Variants in SEC24B observed in about 807,000 individuals in gnomAD.
SEC24B encodes the protein SEC24 homolog B, COPII component, also known as protein transport protein Sec24B.
A neutral mutation model predicts 142.8 loss-of-function variants in SEC24B; 45 were observed. The observed-to-expected ratio is 0.32, with a 90% CI of 0.25 to 0.40. The LOEUF (loss-of-function observed/expected upper bound fraction) is 0.40, where lower values mean the gene tolerates loss of function less well. Among genes scored for constraint, SEC24B ranks in the 10% least tolerant of loss-of-function variants. The pLI, the probability that SEC24B is intolerant of heterozygous loss-of-function variation, is 1.00. For missense variants in SEC24B, 1,409 were observed against 1,526.8 expected (o/e 0.92, Z 1.29); for synonymous variants, 574 against 568.2 (o/e 1.01, Z -0.15).
At chr4:109,486,399 CAG>C (rs961021161) in intron 4 of SEC24B, among the ~76,000 whole-genome samples, 12 of 152,290 alleles carry the variant, frequency 7.9e-5, no homozygotes, top group Admixed American at 4.6e-4. Context: ...CTTTTAGAGA[CAG>C]AAAACAGCTT....
chr4:109,522,851 CAATT>C (rs1235974297), intron 14 of SEC24B, among the ~76,000 whole-genome samples: 4 of 152,076 alleles, frequency 2.6e-5, no homozygotes, highest in African/African-American at 4.8e-5. Context: ...TGAAAGTAAT[CAATT>C]GATTGCTTTT....
chr4:109,440,535 G>T (rs1222076627), intron 1 of SEC24B, among the ~76,000 whole-genome samples: 2 of 152,210 alleles, frequency 1.3e-5, no homozygotes, highest in Non-Finnish European at 2.9e-5. Context: ...TAGTGAAAAG[G>T]TTGTAGGCTT....
At chr4:109,528,048 A>T (rs1322477196) in intron 18 of SEC24B, among the ~76,000 whole-genome samples, 4 of 152,174 alleles carry the variant, frequency 2.6e-5, no homozygotes, top group African/African-American at 9.7e-5. Flanking sequence ...TCAATACTTA[A>T]ACAAACATGG....
intron 15 of SEC24B, 34 bp from the exon 16 acceptor site, chr4:109,525,312 C>T (rs780440745): frequency 6.6e-7 from 1 of 1,509,720 alleles, no homozygotes; most frequent in African/African-American, 1.4e-5. Context: ...ATTATTATTT[C>T]TATAGCTAAT....
In SEC24B at chr4:109,503,248, G is replaced by A. The variant is rs545933742; in HGVS notation, c.1489-3080G>A. On this transcript the variant is annotated intron_variant, in intron 6 of 23. Coordinates refer to ENST00000265175, the MANE Select transcript of SEC24B (RefSeq NM_006323.5). ...CTAATTTTTTTTTTTTTTTGAGTTA[G>A]AGTTTCACTCTTGTTGCCTGGCTGG... 1.7e-4 allele frequency among the ~76,000 whole-genome samples: 26 copies of A among 148,888 alleles called. No individual in the cohort carries two copies. The East Asian group carries it at 4.8e-3, about 27-fold the overall frequency.
chr4:109,469,727 G>T (rs1203562481), intron 2 of SEC24B, among the ~76,000 whole-genome samples: 1 of 152,126 alleles, frequency 6.6e-6, no homozygotes, highest in East Asian at 1.9e-4. Context: ...CTAGAACCTT[G>T]GAGTAGGGAA....
At chr4:109,528,286 C>T (rs1055694414) in intron 18 of SEC24B, among the ~76,000 whole-genome samples, 4 of 151,882 alleles carry the variant, frequency 2.6e-5, no homozygotes, top group South Asian at 2.1e-4. Context: ...ATTAGCTGGG[C>T]GTGGTGCTGC....
At chr4:109,497,316 T>C (rs1196839429) in intron 6 of SEC24B, among the ~76,000 whole-genome samples, 1 of 152,242 alleles carries the variant, frequency 6.6e-6, no homozygotes, top group Non-Finnish European at 1.5e-5. Flanking sequence ...GTCAAAAAAT[T>C]ACCTTTGGGA....
chr4:109,462,934 G>C lies in SEC24B; in HGVS notation c.167G>C (p.Gly56Ala), dbSNP rs780921093. ...CAGAATCAAATGCAGGTTCCATCTG[G>C]ATATGGATTGCATCATCAAAACTAT... Reference protein sequence around the residue: ...PAQNQMQVPSGYGLHHQNYIA... With the variant: ...PAQNQMQVPSAYGLHHQNYIA... The change falls in exon 2 of 24, where the codon GGA becomes GCA. Residue 56 changes from glycine to alanine, a missense_variant. By Grantham distance (60) the Gly-to-Ala change is moderately conservative. Around this residue, in one of 2 missense-constraint regions of SEC24B, gnomAD observed 709 missense variants for 673.5 expected, o/e 1.05. Coordinates refer to ENST00000265175, the MANE Select transcript of SEC24B (RefSeq NM_006323.5). 1.2e-6 allele frequency: 2 copies of C among 1,611,522 alleles called. No homozygotes were observed. Among genetic ancestry groups the C allele is most frequent in the South Asian group, 1.1e-5 (1 of 91,060 alleles).
rs1339718004 is a variant in SEC24B, at chr4:109,477,562, G to A, written c.1061-4115G>A. Among the ~76,000 whole-genome samples, 3 of 152,196 alleles carry A rather than the reference G, an allele frequency of 2.0e-5. No homozygotes were observed. The East Asian group carries it at 5.8e-4, about 29-fold the overall frequency. ...GCTGGTCTTGAACTCCCAGGCTCGA[G>A]TGATTATCCCACCTTGGCCTCCCAA... On this transcript the variant is annotated intron_variant, in intron 3 of 23. Coordinates refer to ENST00000265175, the MANE Select transcript of SEC24B (RefSeq NM_006323.5).
intron 15 of SEC24B, among the ~76,000 whole-genome samples, 180 bp downstream of exon 15, chr4:109,525,121 T>C (rs2126081085): frequency 6.6e-6 from 1 of 152,184 alleles, no homozygotes; most frequent in African/African-American, 2.4e-5. Flanking sequence ...AAATGTCACT[T>C]GTATTTTGTT....
intron 14 of SEC24B, among the ~76,000 whole-genome samples, chr4:109,522,339 C>G (rs921614324): frequency 1.3e-5 from 2 of 152,184 alleles, no homozygotes; most frequent in African/African-American, 4.8e-5. Context: ...GCGTGAGCCA[C>G]CGTGCCCGGC....
intron 2 of SEC24B, among the ~76,000 whole-genome samples, chr4:109,466,931 A>G (rs1731959085): frequency 6.6e-6 from 1 of 152,262 alleles, no homozygotes; most frequent in Admixed American, 6.5e-5. Context: ...TATTCAAAAC[A>G]TAGACTAAAG....
intron 1 of SEC24B, among the ~76,000 whole-genome samples, chr4:109,446,378 A>C (rs982487043): frequency 9.8e-5 from 15 of 152,332 alleles, no homozygotes; most frequent in African/African-American, 2.9e-4. Context: ...GGAAAAGGCA[A>C]GGAAACGGAT....
chr4:109,492,472 T>C (rs11932787), intron 5 of SEC24B, among the ~76,000 whole-genome samples: 2,327 of 152,294 alleles, frequency 0.015, 42 homozygotes, highest in African/African-American at 0.04. Context: ...TAGTGTAGTA[T>C]AGTTGAAAGA....
chr4:109,502,758 T>C (rs936033244), intron 6 of SEC24B, among the ~76,000 whole-genome samples: 5 of 152,242 alleles, frequency 3.3e-5, no homozygotes, highest in African/African-American at 1.2e-4. Context: ...AATGTACCAA[T>C]GTATACTTCA....
chr4:109,513,290 T>A (rs35502564), intron 9 of SEC24B, among the ~76,000 whole-genome samples: 11,638 of 148,688 alleles, frequency 0.078, 583 homozygotes, highest in Middle Eastern at 0.18. Flanking sequence ...TTATTATTTT[T>A]TTTTTTTTTC....
At chr4:109,491,111 C>T (rs1483796990) in intron 4 of SEC24B, among the ~76,000 whole-genome samples, 1 of 151,870 alleles carries the variant, frequency 6.6e-6, no homozygotes, top group Non-Finnish European at 1.5e-5. Flanking sequence ...GAATTTTATC[C>T]CACTCATCAG....
intron 1 of SEC24B, among the ~76,000 whole-genome samples, chr4:109,451,931 T>C (rs114193837): frequency 0.015 from 2,242 of 152,320 alleles, 36 homozygotes; most frequent in African/African-American, 0.038. Context: ...TTTCTTGATA[T>C]CCTGGTTGAT....
Sources: allele counts gnomAD v4.1 joint callset (sites outside exome capture counted in the v4.1 genomes callset), GRCh38; gene constraint gnomAD v4.1.1; regional missense constraint gnomAD v4.1.1; transcripts MANE v1.5; gene names NCBI Gene and HGNC (gene_info 2026-07-23, HGNC 2026-07-21).